Variants in MAPK10 observed in about 807,000 individuals in gnomAD.
MAPK10 encodes mitogen-activated protein kinase 10.
Under a neutral mutation model 59.3 loss-of-function variants are expected in MAPK10, and 25 were observed. That is an observed-to-expected ratio of 0.42 (90% CI 0.31 to 0.59). The LOEUF (loss-of-function observed/expected upper bound fraction) is 0.59. Ranked by LOEUF, MAPK10 falls within the 20% of genes least tolerant of loss-of-function variation. The probability of loss-of-function intolerance (pLI) is 0.15; values close to 1 mark genes in which losing one functional copy is unlikely to be tolerated. For synonymous variants in MAPK10, 190 were observed against 200.5 expected, an observed-to-expected ratio of 0.95 and a Z score of 0.44; for missense variants, 351 against 568.9, an observed-to-expected ratio of 0.62 and a Z score of 3.90.
chr4:86,417,791 C>T (rs1376650783), intron 1 of MAPK10, among the ~76,000 whole-genome samples: 4 of 152,230 alleles, frequency 2.6e-5, no homozygotes. Context: ...GTCTTACTGA[C>T]CTTTCCCAAA....
intron 6 of MAPK10, chr4:86,102,277 T>C: frequency 2.6e-6 from 1 of 387,236 alleles, no homozygotes. Context: ...TTACCTTAAT[T>C]TTGCTTTCAC....
At chr4:86,554,917 C>G (rs927889136) in intron 1 of MAPK10, among the ~76,000 whole-genome samples, 7 of 152,148 alleles carry the variant, frequency 4.6e-5, no homozygotes, top group Admixed American at 3.3e-4. Context: ...CCACAATGAA[C>G]TTCTCATATA....
At chr4:86,088,971 G>T (rs1420540454) in intron 9 of MAPK10, among the ~76,000 whole-genome samples, 9 of 152,174 alleles carry the variant, frequency 5.9e-5, no homozygotes, top group Admixed American at 5.9e-4. Flanking sequence ...AATTAAGGCA[G>T]ACCTTTTGAT....
chr4:86,222,450 T>C (rs2089843037), intron 2 of MAPK10, among the ~76,000 whole-genome samples: 1 of 152,068 alleles, frequency 6.6e-6, no homozygotes, highest in South Asian at 2.1e-4. Context: ...CAATGCAAGG[T>C]ACAAAGCCTT....
At chr4:86,241,394 T>C (rs1436251902) in intron 2 of MAPK10, among the ~76,000 whole-genome samples, 1 of 152,176 alleles carries the variant, frequency 6.6e-6, no homozygotes, top group African/African-American at 2.4e-5. Context: ...GTTGGGGAAG[T>C]TCTCCTGGAT....
At chr4:86,159,990 T>G (rs2069040212) in intron 3 of MAPK10, among the ~76,000 whole-genome samples, 1 of 151,988 alleles carries the variant, frequency 6.6e-6, no homozygotes, top group Non-Finnish European at 1.5e-5. Context: ...AATTAAACAG[T>G]CTTGACTTCA....
intron 9 of MAPK10, chr4:86,081,839 C>T (rs1032542603): frequency 2.7e-5 from 4 of 150,796 alleles, no homozygotes; most frequent in Non-Finnish European, 4.4e-5. Flanking sequence ...TGCACATGTG[C>T]TCTTATAAGC....
chr4:86,131,203 A>G (rs528670456), intron 4 of MAPK10, among the ~76,000 whole-genome samples: 1 of 152,160 alleles, frequency 6.6e-6, no homozygotes, highest in African/African-American at 2.4e-5. Context: ...CAAGGAATTG[A>G]GATGGTTAAC....
intron 2 of MAPK10, among the ~76,000 whole-genome samples, chr4:86,252,462 T>C (rs1177494002): frequency 8.1e-5 from 11 of 135,314 alleles, no homozygotes; most frequent in African/African-American, 3.2e-4. Flanking sequence ...TTCTCAGGTT[T>C]GTCAAAGATC....
At chr4:86,039,370 TAGGAGA>T (rs1560850985) in intron 11 of MAPK10, among the ~76,000 whole-genome samples, 1 of 152,022 alleles carries the variant, frequency 6.6e-6, no homozygotes, top group Non-Finnish European at 1.5e-5. Flanking sequence ...CACATGATGG[TAGGAGA>T]AGGAAGTGAG....
At chr4:86,308,841 T>C (rs1578029253) in intron 2 of MAPK10, 1 of 152,332 alleles carries the variant, frequency 6.6e-6, no homozygotes, top group Admixed American at 6.5e-5. Flanking sequence ...TGGTATTCAA[T>C]TGAAGTTATT....
intron 1 of MAPK10, among the ~76,000 whole-genome samples, chr4:86,592,070 C>T (rs111645468): frequency 0.047 from 7,095 of 152,108 alleles, 222 homozygotes; most frequent in African/African-American, 0.061. Context: ...CTTTGACTTA[C>T]TAATATAATC....
At chr4:86,061,876 G>C (rs960775578) in intron 11 of MAPK10, among the ~76,000 whole-genome samples, 1 of 152,036 alleles carries the variant, frequency 6.6e-6, no homozygotes, top group Non-Finnish European at 1.5e-5. Context: ...ACATACGGGG[G>C]TATATTTTGC....
intron 2 of MAPK10, among the ~76,000 whole-genome samples, chr4:86,322,555 C>T (rs987401020): frequency 3.3e-5 from 5 of 152,214 alleles, no homozygotes. Flanking sequence ...GCGACAGTAC[C>T]TTGGAGGCAC....
At chr4:86,324,265 G>C (rs1367545362) in intron 2 of MAPK10, among the ~76,000 whole-genome samples, 1 of 152,008 alleles carries the variant, frequency 6.6e-6, no homozygotes, top group Non-Finnish European at 1.5e-5. Flanking sequence ...TACAAAATTA[G>C]CCAGGCATGG....
upstream of MAPK10, among the ~76,000 whole-genome samples, chr4:86,454,980 C>CCT (rs2149057846): frequency 6.6e-6 from 1 of 152,258 alleles, no homozygotes; most frequent in South Asian, 2.1e-4. Flanking sequence ...CTATCTTCAG[C>CCT]CTCCTCAAAC....
intron 2 of MAPK10, among the ~76,000 whole-genome samples, chr4:86,316,143 G>A (rs192933167): frequency 3.9e-5 from 6 of 152,036 alleles, no homozygotes; most frequent in South Asian, 2.1e-4. Flanking sequence ...CTCCAGAATC[G>A]ATGCAAATCA....
At chr4:86,559,811 T>C (rs1343652829) in intron 1 of MAPK10, among the ~76,000 whole-genome samples, 2 of 151,790 alleles carry the variant, frequency 1.3e-5, no homozygotes, top group Non-Finnish European at 2.9e-5. Context: ...TGGTGGCACG[T>C]GTCTGTAATC....
At chr4:86,319,066 T>C (rs1474379547) in intron 2 of MAPK10, among the ~76,000 whole-genome samples, 1 of 152,158 alleles carries the variant, frequency 6.6e-6, no homozygotes, top group African/African-American at 2.4e-5. Context: ...CATTCTTCAG[T>C]TCAAAGTTTC....
Sources: gnomAD v4.1 joint callset for allele counts (sites outside exome capture counted in the v4.1 genomes callset) on GRCh38, gnomAD v4.1.1 for gene constraint, MANE v1.5 for transcripts, NCBI Gene and HGNC (gene_info 2026-07-23, HGNC 2026-07-21) for gene names.